The following MOB1B variants were observed in gnomAD, a reference collection of about 807,000 sequenced individuals.
MOB1B encodes the protein MOB1 Mps One Binder homolog B.
In MOB1B, 19 loss-of-function variants were observed where a neutral mutation model predicts 24.4. The ratio of observed to expected loss-of-function variants is 0.78; its 90% confidence interval spans 0.54 to 1.14. The LOEUF is 1.14. Ranked by LOEUF, MOB1B falls within the 50% of genes most tolerant of loss-of-function variation. The pLI, the probability that MOB1B is intolerant of heterozygous loss-of-function variation, is 0.00. For missense variants in MOB1B, 243 were observed against 259.6 expected, an observed-to-expected ratio of 0.94 and a Z score of 0.44; for synonymous variants, 76 against 82.1, an observed-to-expected ratio of 0.93 and a Z score of 0.40.
At chr4:70,950,865 T>C in intron 1 of MOB1B, 1 of 971,948 alleles carries the variant, frequency 1.0e-6, no homozygotes, top group Non-Finnish European at 1.6e-6. Context: ...GTTCTTAACA[T>C]AAGTTTCAGT....
At position 70,902,445 on chromosome 4, in the gene MOB1B, C is replaced by T. The variant is rs1304152869; in HGVS notation, c.-92C>T. 4 of 1,384,730 alleles carry T rather than the reference C, an allele frequency of 2.9e-6. No homozygotes were observed. The highest frequency in any genetic ancestry group is 1.4e-5 in the African/African-American group (1 of 69,904). 85.8% of individuals were successfully genotyped at this position (1,384,730 alleles called of 1,614,324 possible). On this transcript the variant is annotated 5_prime_UTR_variant, in exon 1 of 6. Transcript: ENST00000309395. The stretch of plus-strand genomic sequence containing the variant: ...GGCACCTCCTCCTCCGCCTCCCTGT[C>T]TCCTGTTCCATTCGCCTTTCCTCTT...
rs1739309021 is a variant in MOB1B at position 70,984,212 on chromosome 4, G to T, written c.*2155G>T. The T allele has an allele frequency of 6.6e-6, 1 of 152,308 alleles. No homozygotes were observed. The allele number at this position is 152,308 out of a possible 1,614,324, so 9.4% of individuals were successfully genotyped here. A position where few individuals can be genotyped will look rare whatever the true frequency, so the allele number is the denominator to read the frequency against. ...CACTGTGCCAGAATCTCAGGTGCCT[G>T]CTTAGAGTATTTCTTTAATCACAGT... On this transcript the variant is annotated 3_prime_UTR_variant, in exon 6 of 6. Transcript: ENST00000309395.
upstream of MOB1B, chr4:70,902,339 C>A (rs891381310): frequency 3.0e-6 from 2 of 667,068 alleles, no homozygotes; most frequent in African/African-American, 1.8e-5. Flanking sequence ...TCAAGACGAG[C>A]GCTACCCACT....
chr4:70,947,440 G>T (rs1737630185), intron 1 of MOB1B, among the ~76,000 whole-genome samples: 1 of 151,642 alleles, frequency 6.6e-6, no homozygotes, highest in Non-Finnish European at 1.5e-5. Context: ...AGTTGGCTAG[G>T]TTTTTTTCCC....
intron 1 of MOB1B, among the ~76,000 whole-genome samples, chr4:70,940,110 G>A (rs945485883): frequency 4.0e-5 from 6 of 151,618 alleles, no homozygotes; most frequent in East Asian, 2.0e-4. Flanking sequence ...GTCTTCTTCC[G>A]CTGATGTGTT....
chr4:70,969,262 C>G (rs905595447), intron 2 of MOB1B, among the ~76,000 whole-genome samples: 2 of 152,216 alleles, frequency 1.3e-5, no homozygotes, highest in East Asian at 3.8e-4. Flanking sequence ...TCCTGTGTAG[C>G]TGGAACCACA....
At chr4:70,972,876 C>T (rs1028116287) in intron 3 of MOB1B, among the ~76,000 whole-genome samples, 1 of 152,150 alleles carries the variant, frequency 6.6e-6, no homozygotes, top group Non-Finnish European at 1.5e-5. Flanking sequence ...TGGGTTCACA[C>T]CATTCTCCTG....
intron 1 of MOB1B, among the ~76,000 whole-genome samples, chr4:70,937,006 T>C (rs573912425): frequency 6.6e-6 from 1 of 152,204 alleles, no homozygotes; most frequent in East Asian, 1.9e-4. Context: ...AACCTCTGCC[T>C]CCCAGGTTCA....
At chr4:70,976,481 A>C in intron 4 of MOB1B, 1 of 985,190 alleles carries the variant, frequency 1.0e-6, no homozygotes, top group Non-Finnish European at 1.2e-6. Flanking sequence ...TTTTGTATTT[A>C]CTTTTAAGGG....
intron 2 of MOB1B, among the ~76,000 whole-genome samples, chr4:70,967,373 G>A (rs549438937): frequency 6.6e-6 from 1 of 152,098 alleles, no homozygotes; most frequent in African/African-American, 2.4e-5. Flanking sequence ...ACCTCAGATG[G>A]TCCACCCACC....
chr4:70,913,580 C>T (rs1008486730), intron 1 of MOB1B, among the ~76,000 whole-genome samples: 9 of 152,116 alleles, frequency 5.9e-5, no homozygotes, highest in African/African-American at 1.7e-4. Context: ...TGTGCGCCAC[C>T]GTGCCCAGGT....
At chr4:70,902,078 G>A (rs1450152360), upstream of MOB1B, among the ~76,000 whole-genome samples, 1 of 152,158 alleles carries the variant, frequency 6.6e-6, no homozygotes. Flanking sequence ...CCAGCTGAGC[G>A]GCTCCGAGAG....
chr4:70,984,804 G>C lies in MOB1B; in HGVS notation c.*2747G>C, dbSNP rs1265213642. On this transcript the variant is annotated 3_prime_UTR_variant, in exon 6 of 6. Coordinates refer to ENST00000309395, the MANE Select transcript of MOB1B (RefSeq NM_173468.4). ...ATGGTGCTACTGGCTTTCATTTGCT[G>C]ACTTGATTATTCCCTTTCTCTTAAA... 3 of 152,160 alleles carry C rather than the reference G, an allele frequency of 2.0e-5. No homozygotes were observed. Among genetic ancestry groups the C allele is most frequent in the Admixed American group, 1.3e-4 (2 of 15,272 alleles). 9.4% of individuals were successfully genotyped at this position (152,160 alleles called of 1,614,324 possible).
chr4:70,931,017 G>C (rs1456193961), intron 1 of MOB1B, among the ~76,000 whole-genome samples: 2 of 141,884 alleles, frequency 1.4e-5, no homozygotes, highest in African/African-American at 5.3e-5. Context: ...TTGTGTCCCA[G>C]GTTTGATTGC....
At chr4:70,976,686 T>G (rs1739010757) in intron 4 of MOB1B, 1 of 959,178 alleles carries the variant, frequency 1.0e-6, no homozygotes, top group Non-Finnish European at 1.2e-6. Flanking sequence ...ACTTTAAACA[T>G]ATTTATTGAA....
intron 1 of MOB1B, among the ~76,000 whole-genome samples, chr4:70,924,135 T>G (rs1057047068): frequency 2.0e-5 from 3 of 152,240 alleles, no homozygotes; most frequent in African/African-American, 7.2e-5. Flanking sequence ...CTCCTGCTGT[T>G]TAGAGAATCC....
intron 1 of MOB1B, among the ~76,000 whole-genome samples, chr4:70,919,383 T>A (rs1215277784): frequency 6.6e-6 from 1 of 152,164 alleles, no homozygotes; most frequent in African/African-American, 2.4e-5. Flanking sequence ...GTAAATTATT[T>A]ATTTTGCCAG....
intron 3 of MOB1B, 37 bp downstream of exon 3, chr4:70,970,061 A>G (rs1738695895): frequency 8.1e-7 from 1 of 1,231,216 alleles, no homozygotes; most frequent in Non-Finnish European, 1.2e-6. Context: ...TTATTTTTAC[A>G]TTATTTTACG....
chr4:70,958,602 C>A lies in MOB1B; in HGVS notation c.15-272C>A, dbSNP rs74767196. Reference sequence around the variant, plus strand: ...ACTTAGAATAGGAGTGAAAGGAATACAATAACTAAAACATCATGGAAGTAC... The same window carrying A: ...ACTTAGAATAGGAGTGAAAGGAATAAAATAACTAAAACATCATGGAAGTAC... On this transcript the variant is annotated intron_variant, in intron 1 of 5. Transcript: ENST00000309395. 5.1e-3 allele frequency: 2,479 copies of A among 487,326 alleles called. 44 individuals are homozygous for A. Among genetic ancestry groups the A allele is most frequent in the African/African-American group, 0.044 (2,236 of 50,978 alleles). The allele number at this position is 487,326 out of a possible 1,614,324, so 30.2% of individuals were successfully genotyped here. A position where few individuals can be genotyped will look rare whatever the true frequency, so the allele number is the denominator to read the frequency against.
Sources: allele counts gnomAD v4.1 joint callset (sites outside exome capture counted in the v4.1 genomes callset), GRCh38; gene constraint gnomAD v4.1.1; transcripts MANE v1.5; gene names NCBI Gene and HGNC (gene_info 2026-07-23, HGNC 2026-07-21).